Variants in ASAP1 observed in about 807,000 individuals in gnomAD.
ASAP1 encodes arf-GAP with SH3 domain, ANK repeat and PH domain-containing protein 1.
In ASAP1, 43 loss-of-function variants were observed where a neutral mutation model predicts 145.2. That is an observed-to-expected ratio of 0.30 (90% CI 0.23 to 0.38). The LOEUF is 0.38. Among genes scored for constraint, ASAP1 ranks in the 10% least tolerant of loss-of-function variants. The pLI is 1.00. For missense variants in ASAP1, 1,018 were observed against 1,355.3 expected (o/e 0.75, Z 3.91); for synonymous variants, 546 against 515.5 (o/e 1.06, Z -0.80).
chr8:130,340,947 TTTTTTTG>T (rs1264084775), intron 3 of ASAP1: 1 of 448,272 alleles, frequency 2.2e-6, no homozygotes, highest in Admixed American at 2.5e-5. Flanking sequence ...ATACTAGGTT[TTTTTTTG>T]TTTTTGTTTT....
At chr8:130,425,106 G>A (rs1174283834) in intron 1 of ASAP1, among the ~76,000 whole-genome samples, 3 of 152,150 alleles carry the variant, frequency 2.0e-5, no homozygotes, top group South Asian at 2.1e-4. Context: ...CGAAGTGGGC[G>A]AAATCACTTG....
At chr8:130,062,135 A>C (rs2135076111) in intron 27 of ASAP1, among the ~76,000 whole-genome samples, 1 of 152,332 alleles carries the variant, frequency 6.6e-6, no homozygotes, top group East Asian at 1.9e-4. Context: ...GCCCTATTAC[A>C]GTATTACATT....
Position 130,212,056 on chromosome 8 carries a change from A to G in ASAP1, c.405+2500T>C, listed in dbSNP as rs954145963. On this transcript the variant is annotated intron_variant, in intron 5 of 29. Transcript: ENST00000518721. ...TGGCTTTCTGGGAGCCCTCTAATCC[A>G]AGGTGTGGCCCTATCAATCTGTCTA... 1.9e-4 allele frequency among the ~76,000 whole-genome samples: 29 copies of G among 152,176 alleles called. 1 individual carries two copies. The highest frequency in any genetic ancestry group is 1.9e-3 in the Admixed American group (29 of 15,278).
At chr8:130,412,197 TAG>T (rs1829296564) in intron 1 of ASAP1, among the ~76,000 whole-genome samples, 1 of 152,176 alleles carries the variant, frequency 6.6e-6, no homozygotes, top group Non-Finnish European at 1.5e-5. Flanking sequence ...ACAGGTCTGA[TAG>T]AGTTTGGATC....
intron 3 of ASAP1, among the ~76,000 whole-genome samples, chr8:130,271,084 G>A (rs555075846): frequency 6.6e-6 from 1 of 152,226 alleles, no homozygotes; most frequent in Non-Finnish European, 1.5e-5. Context: ...AGGAGAGCCT[G>A]CTGCCGGGCT....
intron 24 of ASAP1, among the ~76,000 whole-genome samples, chr8:130,099,439 A>C (rs1395642689): frequency 6.6e-6 from 1 of 152,016 alleles, no homozygotes; most frequent in African/African-American, 2.4e-5. Flanking sequence ...CGTGGCCTCC[A>C]AAAGTGCTGG....
chr8:130,201,603 T>C (rs950321002), intron 5 of ASAP1, among the ~76,000 whole-genome samples: 2 of 152,160 alleles, frequency 1.3e-5, no homozygotes, highest in African/African-American at 2.4e-5. Flanking sequence ...ACGATAATTA[T>C]ATGGAAAGGG....
chr8:130,205,388 A>AC (rs960909094), intron 5 of ASAP1, among the ~76,000 whole-genome samples: 7 of 151,522 alleles, frequency 4.6e-5, no homozygotes, highest in Non-Finnish European at 7.4e-5. Context: ...ATAAGAAAAA[A>AC]AAAAAAAAAA....
intron 3 of ASAP1, among the ~76,000 whole-genome samples, chr8:130,290,074 T>C (rs1336542810): frequency 6.6e-6 from 1 of 152,192 alleles, no homozygotes; most frequent in Non-Finnish European, 1.5e-5. Context: ...AGAGGTGTCA[T>C]ATTCATCTTT....
At chr8:130,399,321 T>C (rs1356791171) in intron 2 of ASAP1, among the ~76,000 whole-genome samples, 6 of 152,206 alleles carry the variant, frequency 3.9e-5, no homozygotes, top group African/African-American at 1.4e-4. Context: ...AATGTTCTTT[T>C]AGATTTTATG....
chr8:130,246,570 G>T (rs558641527), intron 3 of ASAP1, among the ~76,000 whole-genome samples: 1 of 152,268 alleles, frequency 6.6e-6, no homozygotes, highest in African/African-American at 2.4e-5. Flanking sequence ...TGAAGAAGGT[G>T]CTTGCTTCGT....
At chr8:130,073,609 A>G (rs1445837075) in intron 27 of ASAP1, among the ~76,000 whole-genome samples, 2 of 152,226 alleles carry the variant, frequency 1.3e-5, no homozygotes, top group African/African-American at 4.8e-5. Flanking sequence ...GGTAGTGTCC[A>G]GAACACAAGT....
chr8:130,285,287 G>C (rs1246889379), intron 3 of ASAP1, among the ~76,000 whole-genome samples: 1 of 151,518 alleles, frequency 6.6e-6, no homozygotes, highest in Non-Finnish European at 1.5e-5. Flanking sequence ...AATAAAAATG[G>C]AATACTCAAG....
At chr8:130,161,862 G>A (rs1290297438) in intron 11 of ASAP1, among the ~76,000 whole-genome samples, 2 of 152,114 alleles carry the variant, frequency 1.3e-5, no homozygotes, top group Admixed American at 1.3e-4. Flanking sequence ...ATGCAATAGT[G>A]TGATCACAGC....
chr8:130,078,874 G>C (rs1208779425), intron 26 of ASAP1, among the ~76,000 whole-genome samples: 1 of 151,944 alleles, frequency 6.6e-6, no homozygotes, highest in African/African-American at 2.4e-5. Flanking sequence ...ATCTCACAGG[G>C]TTATAAAGAG....
intron 27 of ASAP1, among the ~76,000 whole-genome samples, chr8:130,066,263 G>A (rs2097430443): frequency 6.6e-6 from 1 of 152,134 alleles, no homozygotes; most frequent in Admixed American, 6.5e-5. Flanking sequence ...ATTAATTAGG[G>A]GCAGAGCCAA....
In ASAP1 at chr8:130,125,953, T is replaced by C; in HGVS notation, c.1515+3A>G. 1 of 1,610,200 alleles carries C rather than the reference T, an allele frequency of 6.2e-7. No homozygotes were observed. Among genetic ancestry groups the C allele is most frequent in the Non-Finnish European group, 8.5e-7 (1 of 1,178,996 alleles). ...TTCTTCCCAAGTACAGGTCACTACT[T>C]ACCAAGAGTTCAGAAGTTCCTAATT... On this transcript the variant is annotated splice_donor_region_variant and intron_variant, in intron 17 of 29. Transcript: ENST00000518721.
intron 3 of ASAP1, among the ~76,000 whole-genome samples, chr8:130,326,892 C>T (rs950560256): frequency 1.3e-5 from 2 of 152,128 alleles, no homozygotes; most frequent in African/African-American, 2.4e-5. Flanking sequence ...CCCTTTATTT[C>T]GCAAGTCATC....
At chr8:130,400,111 C>T (rs533758262) in intron 2 of ASAP1, among the ~76,000 whole-genome samples, 15 of 152,258 alleles carry the variant, frequency 9.9e-5, no homozygotes, top group African/African-American at 2.9e-4. Flanking sequence ...TGAGCCATCG[C>T]GCCTGGCCGA....
Sources: allele counts gnomAD v4.1 joint callset (sites outside exome capture counted in the v4.1 genomes callset), GRCh38; gene constraint gnomAD v4.1.1; transcripts MANE v1.5; gene names NCBI Gene and HGNC (gene_info 2026-07-23, HGNC 2026-07-21).